CCNB2: variants seen among roughly 807,000 people sequenced by gnomAD.
CCNB2 encodes the protein G2/mitotic-specific cyclin-B2.
CCNB2 carries 39 observed loss-of-function variants against 51.1 expected under a neutral mutation model. The ratio of observed to expected loss-of-function variants is 0.76; its 90% CI spans 0.59 to 1.00. The LOEUF (loss-of-function observed/expected upper bound fraction) is 1.00, where lower values mean the gene tolerates loss of function less well. Among genes scored for constraint, CCNB2 ranks in the 50% least tolerant of loss-of-function variants. The pLI is 0.00. For synonymous variants in CCNB2, 174 were observed against 165.5 expected (o/e 1.05, Z -0.40); for missense variants, 472 against 470.3 (o/e 1.00, Z -0.03).
intron 7 of CCNB2, among the ~76,000 whole-genome samples, chr15:59,120,282 A>G (rs368330784): frequency 6.6e-5 from 10 of 152,110 alleles, no homozygotes; most frequent in African/African-American, 1.7e-4. Flanking sequence ...GCCTAGAACA[A>G]TTTGTGCCAG....
At chr15:59,107,782 C>T (rs1405940365) in intron 3 of CCNB2, 112 bp downstream of exon 3, 1 of 757,846 alleles carries the variant, frequency 1.3e-6, no homozygotes, top group East Asian at 2.6e-5. Context: ...ATAGCTGGAG[C>T]TCTGCTTTGA....
intron 7 of CCNB2, 86 bp from the exon 8 acceptor site, chr15:59,123,431 T>G: frequency 2.7e-6 from 2 of 743,638 alleles, no homozygotes; most frequent in East Asian, 2.6e-5. Context: ...AGTAATGTCA[T>G]CATGTACAAG....
At chr15:59,120,292 G>A (rs767287226) in intron 7 of CCNB2, among the ~76,000 whole-genome samples, 20 of 152,132 alleles carry the variant, frequency 1.3e-4, no homozygotes, top group Non-Finnish European at 2.5e-4. Flanking sequence ...ATTTGTGCCA[G>A]ATAGCACACA....
chr15:59,114,343 A>G (rs1014247079), intron 3 of CCNB2, 101 bp from the exon 4 acceptor site: 1 of 824,592 alleles, frequency 1.2e-6, no homozygotes, highest in Non-Finnish European at 1.9e-6. Context: ...TGTCTTTAAC[A>G]TATTTCAGAT....
At position 59,116,798 on chromosome 15, in the gene CCNB2, A is replaced by G. The variant is rs779529323; in HGVS notation, c.706A>G (p.Ile236Val). The change falls in exon 6 of 9, where the codon ATC becomes GTC. Residue 236 changes from isoleucine (I) to valine (V), a missense_variant. Ile to Val is a conservative substitution (Grantham distance 29). Coordinates refer to ENST00000288207, the MANE Select transcript of CCNB2 (RefSeq NM_004701.4). ...FSPNIEDFVYITDNAYTSSQI... is the reference protein window; with the variant it reads ...FSPNIEDFVYVTDNAYTSSQI... ...TCCAAATATTGAAGACTTTGTTTAC[A>G]TCACAGACAATGCTTATACCAGTTC... 3 of 1,614,080 alleles carry G rather than the reference A, an allele frequency of 1.9e-6. No homozygotes were observed. The highest frequency in any genetic ancestry group is 2.5e-6 in the Non-Finnish European group (3 of 1,179,898).
chr15:59,121,405 C>G (rs1227284993), intron 7 of CCNB2: 1 of 152,192 alleles, frequency 6.6e-6, no homozygotes, highest in Non-Finnish European at 1.5e-5. Context: ...GTGCTTCGCT[C>G]TCCCAGTTTT....
In CCNB2 at chr15:59,105,157, G is replaced by C. The variant is rs2079229888; in HGVS notation, c.-112G>C. On this transcript the variant is annotated 5_prime_UTR_variant, in exon 1 of 9. Transcript: ENST00000288207. ...AAGGCTACAGCGTCGAAGATCCCCA[G>C]CGCTGCGGGCTCGGAGAGCAGTCCT... 2.0e-6 allele frequency: 2 copies of C among 995,944 alleles called. No homozygotes were observed. The highest frequency in any genetic ancestry group is 3.0e-6 in the Non-Finnish European group (2 of 675,580). The allele number at this position is 995,944 out of a possible 1,614,324, so 61.7% of individuals were successfully genotyped here. A position where few individuals can be genotyped will look rare whatever the true frequency, so the allele number is the denominator to read the frequency against.
chr15:59,114,444 G>A lies in CCNB2; in HGVS notation c.268G>A (p.Gly90Ser). Residue 90 changes from glycine to serine, a missense_variant and splice_region_variant, in exon 4 of 9, where the codon GGT (glycine) becomes AGT (serine). Gly to Ser is a moderately conservative substitution (Grantham distance 56). Transcript: ENST00000288207. ...CATGTGCCTAAATTTGTTGGTGTAG[G>A]GTCCTTCTCCCACACCTGAGGATGT... ...PVQMEKLAPK[G>S]PSPTPEDVSM... The A allele has an allele frequency of 6.3e-7, 1 of 1,591,714 alleles. No individual in the cohort carries two copies. Among genetic ancestry groups the A allele is most frequent in the Non-Finnish European group, 8.5e-7 (1 of 1,170,018 alleles).
Position 59,121,868 on chromosome 15 carries a change from G to C in CCNB2, c.976-1649G>C, listed in dbSNP as rs550271018. 1.1e-4 allele frequency among the ~76,000 whole-genome samples: 15 copies of C among 141,384 alleles called. 1 individual carries two copies. The South Asian group carries it at 3.4e-3, about 32-fold the overall frequency. The allele number at this position is 141,384 out of a possible 152,430, so 92.8% of individuals were successfully genotyped here. On this transcript the variant is annotated intron_variant, in intron 7 of 8. Coordinates refer to ENST00000288207, the MANE Select transcript of CCNB2 (RefSeq NM_004701.4). The stretch of plus-strand genomic sequence containing the variant: ...AATTGCCTAAACCCGGAAGGTAGAC[G>C]TTGCAGTGAGCAGACATTGCACCAC...
chr15:59,111,537 A>G (rs1596330439), intron 3 of CCNB2, among the ~76,000 whole-genome samples: 1 of 152,214 alleles, frequency 6.6e-6, no homozygotes, highest in African/African-American at 2.4e-5. Context: ...GCTTATTACA[A>G]TGCAAATCTG....
Sources: allele counts gnomAD v4.1 joint callset (sites outside exome capture counted in the v4.1 genomes callset), GRCh38; gene constraint gnomAD v4.1.1; transcripts MANE v1.5; gene names NCBI Gene and HGNC (gene_info 2026-07-23, HGNC 2026-07-21).